PSD3: variants seen among roughly 807,000 people sequenced by gnomAD.
PSD3 encodes the protein PH and SEC7 domain-containing protein 3.
In PSD3, 49 loss-of-function variants were observed where a neutral mutation model predicts 105.5. The ratio of observed to expected loss-of-function variants is 0.46; its 90% confidence interval spans 0.37 to 0.59. The LOEUF (loss-of-function observed/expected upper bound fraction) is 0.59. PSD3 is among the 20% of genes least tolerant of loss of function. The pLI, the probability that PSD3 is intolerant of heterozygous loss-of-function variation, is 0.00. For synonymous variants in PSD3, 557 were observed against 457.8 expected (o/e 1.22, Z -2.77); for missense variants, 1,561 against 1,263.8 (o/e 1.24, Z -3.57).
intron 2 of PSD3, among the ~76,000 whole-genome samples, chr8:18,894,236 A>G (rs1018017626): frequency 6.6e-6 from 1 of 152,316 alleles, no homozygotes; most frequent in East Asian, 1.9e-4. Context: ...TGTACAATTA[A>G]TTTTGAACCT....
intron 12 of PSD3, among the ~76,000 whole-genome samples, chr8:18,583,537 C>G (rs1356485299): frequency 6.6e-6 from 1 of 152,216 alleles, no homozygotes; most frequent in African/African-American, 2.4e-5. Flanking sequence ...CTAGGCTCTT[C>G]TGCCTCAAAC....
At chr8:18,752,127 G>A (rs1805544904) in intron 9 of PSD3, among the ~76,000 whole-genome samples, 1 of 151,788 alleles carries the variant, frequency 6.6e-6, no homozygotes, top group Admixed American at 6.6e-5. Flanking sequence ...GGCGGAGGTT[G>A]CAGTGAGCAA....
intron 15 of PSD3, among the ~76,000 whole-genome samples, chr8:18,539,606 GGC>G (rs1800040654): frequency 6.7e-6 from 1 of 149,122 alleles, no homozygotes; most frequent in South Asian, 2.1e-4. Flanking sequence ...GGAGGGCAGT[GGC>G]GCGATCTCGG....
intron 1 of PSD3, among the ~76,000 whole-genome samples, chr8:19,073,716 G>A (rs1829350134): frequency 6.6e-6 from 1 of 152,048 alleles, no homozygotes; most frequent in East Asian, 1.9e-4. Context: ...TTTTAGTTCA[G>A]GGGTCACAGC....
At chr8:19,021,799 A>C (rs1827372496) in intron 1 of PSD3, among the ~76,000 whole-genome samples, 1 of 152,216 alleles carries the variant, frequency 6.6e-6, no homozygotes, top group South Asian at 2.1e-4. Context: ...TAATTAAACT[A>C]TGCAGTCCTT....
chr8:18,701,589 G>C, intron 9 of PSD3, among the ~76,000 whole-genome samples: 1 of 152,190 alleles, frequency 6.6e-6, no homozygotes, highest in East Asian at 1.9e-4. Flanking sequence ...CATCATTTAA[G>C]TGAAGTCTTC....
At chr8:18,949,994 G>A (rs916854461) in intron 1 of PSD3, among the ~76,000 whole-genome samples, 11 of 152,098 alleles carry the variant, frequency 7.2e-5, no homozygotes. Context: ...AAGACAAGAT[G>A]CATCAACTGC....
intron 12 of PSD3, among the ~76,000 whole-genome samples, chr8:18,594,313 TTATATATA>T (rs1803909044): frequency 2.1e-4 from 1 of 4,784 alleles, no homozygotes; most frequent in South Asian, 0.019. Context: ...ATATATATTA[TTATATATA>T]ATATATATTA....
At chr8:18,824,552 A>G (rs1813021791) in intron 4 of PSD3, among the ~76,000 whole-genome samples, 1 of 152,232 alleles carries the variant, frequency 6.6e-6, no homozygotes, top group Non-Finnish European at 1.5e-5. Flanking sequence ...TAAGACTTTA[A>G]TGGTTTCTGC....
chr8:18,800,666 T>C (rs916640819), intron 7 of PSD3, among the ~76,000 whole-genome samples: 11 of 152,194 alleles, frequency 7.2e-5, no homozygotes, highest in Non-Finnish European at 1.6e-4. Context: ...GTCACTTACT[T>C]TGTAAAAATA....
intron 4 of PSD3, among the ~76,000 whole-genome samples, chr8:18,858,253 C>T (rs1284950581): frequency 1.3e-5 from 2 of 152,132 alleles, no homozygotes; most frequent in South Asian, 2.1e-4. Flanking sequence ...CAGTGTGCAA[C>T]GGTATTTTGT....
At chr8:18,962,310 A>C (rs1823975976) in intron 1 of PSD3, among the ~76,000 whole-genome samples, 1 of 152,232 alleles carries the variant, frequency 6.6e-6, no homozygotes, top group African/African-American at 2.4e-5. Context: ...TAAAGTTATC[A>C]ACAGAGAAGA....
chr8:18,561,100 G>T (rs879862268), intron 14 of PSD3, among the ~76,000 whole-genome samples: 1 of 152,194 alleles, frequency 6.6e-6, no homozygotes, highest in African/African-American at 2.4e-5. Context: ...TGTAGCCAAA[G>T]AAATGAAATC....
intron 2 of PSD3, among the ~76,000 whole-genome samples, chr8:18,895,687 A>T (rs1415904297): frequency 6.6e-6 from 1 of 152,220 alleles, no homozygotes; most frequent in African/African-American, 2.4e-5. Flanking sequence ...ACAGATAGTA[A>T]CTGCACATAT....
chr8:18,749,853 A>T (rs1395788107), intron 9 of PSD3, among the ~76,000 whole-genome samples: 2 of 152,146 alleles, frequency 1.3e-5, no homozygotes, highest in African/African-American at 4.8e-5. Flanking sequence ...ACCAACAAGA[A>T]AAGGGGGACC....
At chr8:18,800,408 A>T (rs925551666) in intron 7 of PSD3, among the ~76,000 whole-genome samples, 1 of 152,200 alleles carries the variant, frequency 6.6e-6, no homozygotes, top group Non-Finnish European at 1.5e-5. Flanking sequence ...TGAGGCAAGC[A>T]CCTTGGCCAA....
At chr8:18,743,804 C>G (rs1454280144) in intron 9 of PSD3, among the ~76,000 whole-genome samples, 1 of 150,434 alleles carries the variant, frequency 6.6e-6, no homozygotes, top group East Asian at 1.9e-4. Flanking sequence ...AGAAAATTAG[C>G]TAGGCTTGGT....
chr8:18,748,743 G>C (rs1464355042), intron 9 of PSD3, among the ~76,000 whole-genome samples: 1 of 151,168 alleles, frequency 6.6e-6, no homozygotes, highest in African/African-American at 2.4e-5. Context: ...AATGTTTAGA[G>C]ACACCAAGGA....
intron 9 of PSD3, among the ~76,000 whole-genome samples, chr8:18,662,034 G>C (rs1394380117): frequency 1.3e-5 from 2 of 151,186 alleles, no homozygotes; most frequent in Admixed American, 6.6e-5. Context: ...TTTTGAAATC[G>C]AGTCAACATG....
Sources: allele counts gnomAD v4.1 joint callset (sites outside exome capture counted in the v4.1 genomes callset), GRCh38; gene constraint gnomAD v4.1.1; transcripts MANE v1.5; gene names NCBI Gene and HGNC (gene_info 2026-07-23, HGNC 2026-07-21).